Variants in ITGAE observed in about 807,000 individuals in gnomAD.
ITGAE encodes the protein integrin subunit alpha E, also known as integrin alpha-E.
A neutral mutation model predicts 136.5 loss-of-function variants in ITGAE; 99 were observed. That is an observed-to-expected ratio of 0.73 (90% confidence interval 0.62 to 0.86). The LOEUF is 0.86. ITGAE is among the 40% of genes least tolerant of loss of function. The probability of loss-of-function intolerance (pLI) is 0.00; values close to 1 mark genes in which losing one functional copy is unlikely to be tolerated. For synonymous variants in ITGAE, 613 were observed against 591.8 expected, an observed-to-expected ratio of 1.04 and a Z score of -0.52; for missense variants, 1,447 against 1,515.3, an observed-to-expected ratio of 0.95 and a Z score of 0.75.
At chr17:3,730,723 G>A (rs1189381044) in intron 23 of ITGAE, among the ~76,000 whole-genome samples, 1 of 152,070 alleles carries the variant, frequency 6.6e-6, no homozygotes, top group African/African-American at 2.4e-5. Context: ...CACAGCCTCT[G>A]GTGGGCAGAA....
chr17:3,719,252 A>AAAG (rs529048490), intron 29 of ITGAE, among the ~76,000 whole-genome samples: 10,577 of 123,356 alleles, frequency 0.086, 436 homozygotes, highest in Non-Finnish European at 0.13. Flanking sequence ...AAAAAAAAAA[A>AAAG]AAAAGAAAAG....
Position 3,714,692 on chromosome 17 carries a change from AC to A in ITGAE, c.*154del, listed in dbSNP as rs1390082577. 56 of 517,524 alleles carry A rather than the reference AC, an allele frequency of 1.1e-4. 1 individual carries two copies. In the South Asian group the frequency reaches 1.5e-3, roughly 14 times the overall value. 32.1% of individuals were successfully genotyped at this position (517,524 alleles called of 1,614,324 possible). On this transcript the variant is annotated 3_prime_UTR_variant, in exon 31 of 31. Coordinates refer to ENST00000263087, the MANE Select transcript of ITGAE (RefSeq NM_002208.5). ...CCTAAGTTTACTTTTTGCACAATGCACAGACACTTTTGGGACAATGTATGGT... is the reference window on the plus strand; with the variant it reads ...CCTAAGTTTACTTTTTGCACAATGCAAGACACTTTTGGGACAATGTATGGT...
intron 2 of ITGAE, among the ~76,000 whole-genome samples, chr17:3,770,905 G>C (rs2052405618): frequency 1.3e-5 from 2 of 152,138 alleles, no homozygotes; most frequent in African/African-American, 2.4e-5. Flanking sequence ...GGGTCGCTGG[G>C]TATTGGTGGG....
At chr17:3,727,821 T>G in intron 26 of ITGAE, 98 bp downstream of exon 26, 1 of 795,748 alleles carries the variant, frequency 1.3e-6, no homozygotes, top group South Asian at 1.5e-5. Flanking sequence ...CATGGTTAAC[T>G]TGTCTTCACT....
chr17:3,736,956 C>A (rs1050426523), intron 20 of ITGAE, among the ~76,000 whole-genome samples: 8 of 152,038 alleles, frequency 5.3e-5, no homozygotes, highest in African/African-American at 1.9e-4. Flanking sequence ...GAGACAGAGC[C>A]TGCTGTCTCC....
chr17:3,768,827 T>C (rs58196389), intron 2 of ITGAE, among the ~76,000 whole-genome samples: 23,520 of 152,070 alleles, frequency 0.15, 2,442 homozygotes, highest in African/African-American at 0.28. Context: ...TCTTCTTCAC[T>C]GTGTTATTCC....
In ITGAE at chr17:3,750,264, A is replaced by G. The variant is rs1189813678; in HGVS notation, c.2024+88T>C. On this transcript the variant is annotated intron_variant, in intron 16 of 30. Coordinates refer to ENST00000263087, the MANE Select transcript of ITGAE (RefSeq NM_002208.5). ...AACCACGGTGCTGGCTCCCTCCCTC[A>G]GTGCCTAATGTCTGCATGGAGCTAT... 7.8e-6 allele frequency: 12 copies of G among 1,531,214 alleles called. No individual in the cohort carries two copies. In the East Asian group the frequency reaches 2.7e-4, roughly 35 times the overall value. The allele number at this position is 1,531,214 out of a possible 1,614,324, so 94.9% of individuals were successfully genotyped here.
At chr17:3,720,655 C>T in intron 28 of ITGAE, 1 of 293,934 alleles carries the variant, frequency 3.4e-6, no homozygotes, top group Non-Finnish European at 6.4e-6. Flanking sequence ...GATCTCGGCT[C>T]ACTGCAACCT....
At chr17:3,751,971 A>G in intron 14 of ITGAE, 97 bp from the exon 15 acceptor site, 1 of 1,037,126 alleles carries the variant, frequency 9.6e-7, no homozygotes, top group East Asian at 2.5e-5. Flanking sequence ...GTGGGTGCCC[A>G]CTCCATTGCC....
chr17:3,725,674 A>G (rs764401044), intron 26 of ITGAE: 5 of 1,589,906 alleles, frequency 3.1e-6, no homozygotes, highest in African/African-American at 1.4e-5. Context: ...TGGGATCACT[A>G]TAATTCAACC....
intron 28 of ITGAE, 56 bp from the exon 29 acceptor site, chr17:3,720,458 CTG>C (rs1248710317): frequency 6.0e-6 from 5 of 833,186 alleles, no homozygotes; most frequent in Non-Finnish European, 1.0e-5. Context: ...CATGAACTCA[CTG>C]TGTTTGAACA....
chr17:3,734,778 GCGTGAGGGAC>G, intron 21 of ITGAE, 29 bp downstream of exon 21: 1 of 1,612,376 alleles, frequency 6.2e-7, no homozygotes, highest in Non-Finnish European at 8.5e-7. Context: ...CGAGGGAGGG[GCGTGAGGGAC>G]CTGTTTCCAC....
chr17:3,747,242 A>G (rs2143017210), intron 17 of ITGAE, among the ~76,000 whole-genome samples: 1 of 152,302 alleles, frequency 6.6e-6, no homozygotes, highest in African/African-American at 2.4e-5. Flanking sequence ...AGTCAGAGAG[A>G]AAGAGGAGGG....
intron 1 of ITGAE, among the ~76,000 whole-genome samples, chr17:3,797,444 C>T (rs1242915269): frequency 1.6e-4 from 24 of 147,314 alleles, no homozygotes; most frequent in South Asian, 2.2e-4. Flanking sequence ...GGATTACAGG[C>T]TTGAGCCACT....
intron 1 of ITGAE, among the ~76,000 whole-genome samples, chr17:3,793,644 T>C (rs1204630995): frequency 1.3e-5 from 2 of 152,206 alleles, no homozygotes; most frequent in African/African-American, 4.8e-5. Context: ...CTACCGAGTG[T>C]AGGCCAGGAC....
intron 26 of ITGAE, 50 bp downstream of exon 26, chr17:3,727,869 G>GT (rs2051250544): frequency 1.4e-5 from 15 of 1,108,552 alleles, no homozygotes; most frequent in Non-Finnish European, 2.1e-5. Flanking sequence ...TTGAGACTCT[G>GT]TAGTCACTGT....
intron 22 of ITGAE, among the ~76,000 whole-genome samples, chr17:3,731,384 C>T (rs1296921727): frequency 6.7e-6 from 1 of 149,654 alleles, no homozygotes; most frequent in South Asian, 2.1e-4. Context: ...CTCTGTCACC[C>T]AGGATGGAGT....
At chr17:3,753,555 T>A in intron 13 of ITGAE, 125 bp from the exon 14 acceptor site, 1 of 1,269,270 alleles carries the variant, frequency 7.9e-7, no homozygotes, top group Non-Finnish European at 1.1e-6. Flanking sequence ...ATTTGCTCAC[T>A]GAGAGTAACA....
intron 16 of ITGAE, among the ~76,000 whole-genome samples, chr17:3,748,589 C>T (rs2051780668): frequency 6.8e-6 from 1 of 146,304 alleles, no homozygotes; most frequent in Non-Finnish European, 1.5e-5. Flanking sequence ...TCCATCTCAA[C>T]AACAACAACA....
Sources: allele counts gnomAD v4.1 joint callset (sites outside exome capture counted in the v4.1 genomes callset), GRCh38; gene constraint gnomAD v4.1.1; transcripts MANE v1.5; gene names NCBI Gene and HGNC (gene_info 2026-07-23, HGNC 2026-07-21).